UBE2E1: variants seen among roughly 807,000 people sequenced by gnomAD.
UBE2E1 encodes the protein ubiquitin conjugating enzyme E2 E1, also known as ubiquitin-conjugating enzyme E2 E1.
A neutral mutation model predicts 21.4 loss-of-function variants in UBE2E1; 6 were observed. That is an observed-to-expected ratio of 0.28 (90% CI 0.15 to 0.55). The LOEUF is 0.55. UBE2E1 is among the 20% of genes least tolerant of loss of function. UBE2E1 has a pLI of 0.93. For missense variants in UBE2E1, 142 were observed against 236.5 expected (o/e 0.60, Z 2.62); for synonymous variants, 87 against 82.7 (o/e 1.05, Z -0.28).
intron 3 of UBE2E1, among the ~76,000 whole-genome samples, chr3:23,846,860 G>A (rs1014625669): frequency 6.6e-6 from 1 of 152,070 alleles, no homozygotes; most frequent in South Asian, 2.1e-4. Context: ...ATAGCTAGGT[G>A]TTTAGCTACT....
rs1000060375 is a variant in UBE2E1, at chr3:23,887,039, T to TA, written c.204-527dup. On this transcript the variant is annotated intron_variant, in intron 3 of 5. Coordinates refer to ENST00000306627, the MANE Select transcript of UBE2E1 (RefSeq NM_003341.5). This position sits in a 1 kb window ranked among gnomAD's most constrained non-coding sequence, Gnocchi z 4.4. ...ATTGAATAACCTGTAACTGGATACT[T>TA]ACCATTCTCCTCCCACCTAACATGG... Among the ~76,000 whole-genome samples the TA allele has an allele frequency of 2.6e-5, 4 of 152,236 alleles. No homozygotes were observed. Among genetic ancestry groups the TA allele is most frequent in the African/African-American group, 7.2e-5 (3 of 41,462 alleles).
At chr3:23,885,881 A>G (rs9812870) in intron 3 of UBE2E1, among the ~76,000 whole-genome samples, 1 of 151,324 alleles carries the variant, frequency 6.6e-6, no homozygotes, top group Non-Finnish European at 1.5e-5. Context: ...CAAAAAAAAC[A>G]AAACAAACAA....
chr3:23,810,450 C>A lies in UBE2E1; in HGVS notation c.153-1010C>A. 1 of 1,535,618 alleles carries A rather than the reference C, an allele frequency of 6.5e-7. No homozygotes were observed. Among genetic ancestry groups the A allele is most frequent in the Non-Finnish European group, 8.7e-7 (1 of 1,146,606 alleles). ...AGAAAACTGCAGGTCTCCAGTCTAT[C>A]CCCAGTGTGAGCTAGAGAGCGGACC... is the stretch of plus-strand genomic sequence containing the variant. On this transcript the variant is annotated intron_variant, in intron 2 of 5. Coordinates refer to ENST00000306627, the MANE Select transcript of UBE2E1 (RefSeq NM_003341.5). The surrounding 1 kb of genome is among the most constrained non-coding windows in gnomAD (Gnocchi z 5.8).
chr3:23,839,196 G>T (rs980179490), intron 3 of UBE2E1, among the ~76,000 whole-genome samples: 12 of 152,048 alleles, frequency 7.9e-5, no homozygotes, highest in Non-Finnish European at 1.8e-4. Flanking sequence ...GGGTGCGGTG[G>T]CTCATGCCTG....
chr3:23,861,044 T>A (rs370770325), intron 3 of UBE2E1, among the ~76,000 whole-genome samples: 111 of 152,370 alleles, frequency 7.3e-4, no homozygotes, highest in African/African-American at 2.5e-3. Flanking sequence ...TATTTAACAA[T>A]ACCGCAGGGA....
rs543218538 is a variant in UBE2E1 at position 23,879,382 on chromosome 3, C to T, written c.204-8185C>T. 1.0e-3 allele frequency: 546 copies of T among 542,562 alleles called. 3 individuals are homozygous for T. The highest frequency in any genetic ancestry group is 7.6e-3 in the South Asian group (507 of 67,046). 33.6% of individuals were successfully genotyped at this position (542,562 alleles called of 1,614,324 possible). ...GTATTTACAAATTCATGAGCTGCAG[C>T]CTGTATAAGACAGTTGTCTTGCTAG... On this transcript the variant is annotated intron_variant, in intron 3 of 5. Transcript: ENST00000306627.
At chr3:23,819,597 C>T (rs148143114) in intron 3 of UBE2E1, among the ~76,000 whole-genome samples, 12 of 152,054 alleles carry the variant, frequency 7.9e-5, no homozygotes, top group Non-Finnish European at 1.6e-4. Flanking sequence ...CTACAGTGTC[C>T]GAGAAAGGGT....
intron 3 of UBE2E1, among the ~76,000 whole-genome samples, chr3:23,824,962 A>G (rs1346543494): frequency 1.3e-5 from 2 of 152,210 alleles, no homozygotes; most frequent in Non-Finnish European, 1.5e-5. Context: ...GTATATATCA[A>G]TTATTATGGG....
chr3:23,887,853 G>T lies in UBE2E1; in HGVS notation c.336+154G>T. On this transcript the variant is annotated intron_variant, in intron 4 of 5. Coordinates refer to ENST00000306627, the MANE Select transcript of UBE2E1 (RefSeq NM_003341.5). This position sits in a 1 kb window ranked among gnomAD's most constrained non-coding sequence, Gnocchi z 4.4. ...TAACATATACAAAACACTTCTTTAG[G>T]TTGATTTTGCCTTATCTGGCAGAGA... The T allele has an allele frequency of 9.2e-7, 1 of 1,082,766 alleles. No individual in the cohort carries two copies. The highest frequency in any genetic ancestry group is 2.7e-5 in the East Asian group (1 of 37,522). 67.1% of individuals were successfully genotyped at this position (1,082,766 alleles called of 1,614,324 possible). A position where few individuals can be genotyped will look rare whatever the true frequency, so the allele number is the denominator to read the frequency against.
rs114154016 is a variant in UBE2E1, at chr3:23,829,910, C to T, written c.203+18400C>T. On this transcript the variant is annotated intron_variant, in intron 3 of 5. Coordinates refer to ENST00000306627, the MANE Select transcript of UBE2E1 (RefSeq NM_003341.5). ...GTTCTTGAGGAGTTTGCTGCTATTT[C>T]GGAATTTCTGTAGAGAAACCCTGGC... Among the ~76,000 whole-genome samples the T allele has an allele frequency of 3.4e-3, 522 of 152,224 alleles. 2 individuals carry two copies. The highest frequency in any genetic ancestry group is 0.012 in the African/African-American group (486 of 41,536).
At chr3:23,855,570 C>T (rs1383819017) in intron 3 of UBE2E1, among the ~76,000 whole-genome samples, 1 of 152,140 alleles carries the variant, frequency 6.6e-6, no homozygotes, top group African/African-American at 2.4e-5. Context: ...TGGCTCACAC[C>T]TGTAATCCCA....
intron 3 of UBE2E1, among the ~76,000 whole-genome samples, chr3:23,862,670 T>G (rs1700580787): frequency 6.6e-6 from 1 of 152,212 alleles, no homozygotes; most frequent in Admixed American, 6.5e-5. Context: ...GGTAAAGAAT[T>G]GTGTCACATG....
Position 23,839,045 on chromosome 3 carries a change from C to T in UBE2E1, c.203+27535C>T, listed in dbSNP as rs1010383739. Among the ~76,000 whole-genome samples the T allele has an allele frequency of 4.6e-5, 7 of 151,972 alleles. No individual in the cohort carries two copies. The South Asian group carries it at 8.3e-4, about 18-fold the overall frequency. ...GATAATTATACCCCTTCACCCACAG[C>T]GACCCCTCAACAATCCCTCTCCCAG... is the stretch of plus-strand genomic sequence containing the variant. On this transcript the variant is annotated intron_variant, in intron 3 of 5. Transcript: ENST00000306627.
chr3:23,832,659 C>T (rs1307205048), intron 3 of UBE2E1, among the ~76,000 whole-genome samples: 3 of 152,154 alleles, frequency 2.0e-5, no homozygotes, highest in East Asian at 1.9e-4. Flanking sequence ...CGCTTGAAGC[C>T]GGGAGGCGAA....
chr3:23,890,225 AAGAGT>A (rs1701353737), intron 5 of UBE2E1, among the ~76,000 whole-genome samples: 1 of 152,182 alleles, frequency 6.6e-6, no homozygotes, highest in Non-Finnish European at 1.5e-5. Context: ...CCTAACACAT[AAGAGT>A]AAAGAAACTC....
At chr3:23,857,019 A>AAT (rs55771953) in intron 3 of UBE2E1, among the ~76,000 whole-genome samples, 4 of 84,906 alleles carry the variant, frequency 4.7e-5, no homozygotes, top group Non-Finnish European at 1.1e-4. Flanking sequence ...AAAAAAAAAA[A>AAT]GAGAGAGAAT....
chr3:23,885,042 A>C (rs900364464), intron 3 of UBE2E1, among the ~76,000 whole-genome samples: 2 of 152,228 alleles, frequency 1.3e-5, no homozygotes, highest in African/African-American at 2.4e-5. Flanking sequence ...TGGCTTATAA[A>C]CAACAGAAGT....
At chr3:23,809,098 G>A (rs1699335884) in intron 2 of UBE2E1, among the ~76,000 whole-genome samples, 1 of 152,140 alleles carries the variant, frequency 6.6e-6, no homozygotes, top group Non-Finnish European at 1.5e-5. Flanking sequence ...GAGATGATAG[G>A]TGTAGAAAAA....
intron 3 of UBE2E1, among the ~76,000 whole-genome samples, chr3:23,825,856 A>G (rs1361070473): frequency 6.6e-6 from 1 of 152,090 alleles, no homozygotes; most frequent in Non-Finnish European, 1.5e-5. Context: ...TATTTGGAGA[A>G]TACCTCACGT....
Sources: allele counts gnomAD v4.1 joint callset (sites outside exome capture counted in the v4.1 genomes callset), GRCh38; gene constraint gnomAD v4.1.1; non-coding constraint Gnocchi (gnomAD v3.1); transcripts MANE v1.5; gene names NCBI Gene and HGNC (gene_info 2026-07-23, HGNC 2026-07-21).